The following THTPA variants were observed in gnomAD, a reference collection of about 807,000 sequenced individuals.
The protein encoded by THTPA is thiamine triphosphatase.
A neutral mutation model predicts 16.5 loss-of-function variants in THTPA; 16 were observed. The observed-to-expected ratio is 0.97, with a 90% CI of 0.66 to 1.47. The LOEUF is 1.47. Ranked by LOEUF, THTPA falls within the 40% of genes most tolerant of loss-of-function variation. The pLI, the probability that THTPA is intolerant of heterozygous loss-of-function variation, is 0.00. For synonymous variants in THTPA, 110 were observed against 115.5 expected (o/e 0.95, Z 0.30); for missense variants, 281 against 280.9 (o/e 1.00, Z 0.00).
chr14:23,555,028 C>T (rs942471853), upstream of THTPA, among the ~76,000 whole-genome samples: 2 of 152,172 alleles, frequency 1.3e-5, no homozygotes, highest in African/African-American at 4.8e-5. Flanking sequence ...CGTTCTGTCG[C>T]CCAGGCTGGA....
chr14:23,557,443 C>G, intron 1 of THTPA, 139 bp downstream of exon 1: 1 of 958,606 alleles, frequency 1.0e-6, no homozygotes, highest in Middle Eastern at 3.4e-4. Context: ...GCCGTGTTGC[C>G]CAGGCTGGTC....
At position 23,556,446 on chromosome 14, in the gene THTPA, G is replaced by T; in HGVS notation, c.-312G>T. The T allele has an allele frequency of 2.9e-6, 1 of 339,198 alleles. No homozygotes were observed. The allele number at this position is 339,198 out of a possible 1,614,324, so 21.0% of individuals were successfully genotyped here. A position where few individuals can be genotyped will look rare whatever the true frequency, so the allele number is the denominator to read the frequency against. On this transcript the variant is annotated 5_prime_UTR_variant, in exon 1 of 2. Coordinates refer to ENST00000288014, the MANE Select transcript of THTPA (RefSeq NM_024328.6). ...TGGGGTGGCAAGGTGTAGAGAGGGG[G>T]GCGTTGAAAGGACACCCGCTACCCG...
the THTPA span, chr14:23,534,997 A>C: frequency 6.5e-7 from 1 of 1,536,166 alleles, no homozygotes; most frequent in Non-Finnish European, 8.7e-7. This position sits in a 1 kb window ranked among gnomAD's most constrained non-coding sequence, Gnocchi z 4.5. Flanking sequence ...GTGGTTGCTT[A>C]GGTCCATGGG....
At chr14:23,516,081 T>C in the THTPA span, among the ~76,000 whole-genome samples, 1 of 152,060 alleles carries the variant, frequency 6.6e-6, no homozygotes, top group Non-Finnish European at 1.5e-5. Context: ...TGGGGGCAGG[T>C]CACAGATATG....
the THTPA span, among the ~76,000 whole-genome samples, chr14:23,549,312 A>T: frequency 6.6e-6 from 1 of 151,942 alleles, no homozygotes; most frequent in South Asian, 2.1e-4. Flanking sequence ...TATTGCACCG[A>T]CCACCCCTTT....
the THTPA span, chr14:23,531,802 G>A: frequency 7.9e-7 from 1 of 1,267,334 alleles, no homozygotes; most frequent in South Asian, 3.1e-5. Flanking sequence ...TTTCTAGAGA[G>A]AGTCTTGCCC....
upstream of THTPA, among the ~76,000 whole-genome samples, chr14:23,552,362 C>T (rs893883346): frequency 2.3e-4 from 35 of 150,202 alleles, no homozygotes; most frequent in Admixed American, 1.4e-3. Context: ...GGTGCGATCT[C>T]GGCTCACTGC....
the THTPA span, among the ~76,000 whole-genome samples, chr14:23,519,199 C>G: frequency 6.6e-6 from 1 of 152,056 alleles, no homozygotes; most frequent in Non-Finnish European, 1.5e-5. Context: ...GGTGAAAACA[C>G]TCATAGTTCA....
chr14:23,525,543 T>C, the THTPA span: 1 of 1,533,968 alleles, frequency 6.5e-7, no homozygotes, highest in Non-Finnish European at 8.7e-7. The surrounding 1 kb of genome is among the most constrained non-coding windows in gnomAD (Gnocchi z 5.9). Context: ...GGGGGTGGGG[T>C]AGGGGGAGGG....
the THTPA span, chr14:23,527,481 C>A: frequency 1.6e-5 from 20 of 1,274,708 alleles, no homozygotes; most frequent in Middle Eastern, 1.3e-3. Flanking sequence ...CCAACACACG[C>A]ACTTGCCTGA....
chr14:23,558,556 C>T (rs1311886200), intron 1 of THTPA, 139 bp from the exon 2 acceptor site: 48 of 1,124,516 alleles, frequency 4.3e-5, no homozygotes, highest in Non-Finnish European at 5.8e-5. Context: ...TAGTGTGTTA[C>T]AGAAGCTGGG....
the THTPA span, among the ~76,000 whole-genome samples, chr14:23,520,396 G>GA: frequency 1.5e-4 from 9 of 59,236 alleles, no homozygotes; most frequent in South Asian, 6.5e-4. The surrounding 1 kb of genome is among the most constrained non-coding windows in gnomAD (Gnocchi z 8.7). Context: ...TGGGCCTCCA[G>GA]GGGGGCAGCA....
the THTPA span, chr14:23,542,971 T>C: frequency 6.6e-6 from 1 of 152,120 alleles, no homozygotes; most frequent in Non-Finnish European, 1.5e-5. Flanking sequence ...CCTGACTACC[T>C]GACCCGCCCA....
the THTPA span, among the ~76,000 whole-genome samples, chr14:23,517,736 TG>T: frequency 6.6e-6 from 1 of 151,746 alleles, no homozygotes; most frequent in African/African-American, 2.4e-5. Context: ...AGGAGGGGAG[TG>T]GACCCCTCAA....
At chr14:23,527,018 G>A in the THTPA span, 3 of 1,461,774 alleles carry the variant, frequency 2.1e-6, no homozygotes, top group African/African-American at 2.8e-5. Context: ...ACCCCCCACT[G>A]CCCCTATGCC....
the THTPA span, chr14:23,529,535 C>G: frequency 1.5e-6 from 1 of 651,038 alleles, no homozygotes; most frequent in South Asian, 1.9e-5. Flanking sequence ...TGGGCCAGCT[C>G]TGCCCCCGAA....
rs999348889 is a variant in THTPA at position 23,560,162 on chromosome 14, C to G, written c.*1322C>G. 6 of 1,511,500 alleles carry G rather than the reference C, an allele frequency of 4.0e-6. No homozygotes were observed. In the African/African-American group the frequency reaches 8.3e-5, roughly 21 times the overall value. 93.6% of individuals were successfully genotyped at this position (1,511,500 alleles called of 1,614,324 possible). A position where few individuals can be genotyped will look rare whatever the true frequency, so the allele number is the denominator to read the frequency against. On this transcript the variant is annotated 3_prime_UTR_variant, in exon 2 of 2. Coordinates refer to ENST00000288014, the MANE Select transcript of THTPA (RefSeq NM_024328.6). ...AGTGCTGATCTCCAGATGACTCAAT[C>G]CCATCTCACACTGTCTCCCACCCAC...
the THTPA span, chr14:23,534,861 C>G: frequency 1.3e-6 from 2 of 1,536,110 alleles, no homozygotes; most frequent in Non-Finnish European, 1.7e-6. The surrounding 1 kb of genome is among the most constrained non-coding windows in gnomAD (Gnocchi z 4.5). Flanking sequence ...CAAGGAAGGG[C>G]AGACTGGGCT....
In THTPA at chr14:23,557,248, A is replaced by T. The variant is rs755826161; in HGVS notation, c.491A>T (p.Glu164Val). 1 of 1,611,860 alleles carries T rather than the reference A, an allele frequency of 6.2e-7. No individual in the cohort carries two copies. Among genetic ancestry groups the T allele is most frequent in the African/African-American group, 1.3e-5 (1 of 74,908 alleles). Residue 164 changes from glutamate (E) to valine (V), a missense_variant, in exon 1 of 2, where the codon GAG (glutamate) becomes GTG (valine). Transcript: ENST00000288014. ...AVGEVEALVH[E>V]EAEVPTALEK... is the part of the protein sequence containing the mutation. Reference sequence around the variant, plus strand: ...GGTGAGGTAGAGGCCCTGGTGCATGAGGAGGCTGAAGTACCAACTGCCCTA... The same window carrying T: ...GGTGAGGTAGAGGCCCTGGTGCATGTGGAGGCTGAAGTACCAACTGCCCTA...
Sources: gnomAD v4.1 joint callset for allele counts (sites outside exome capture counted in the v4.1 genomes callset) on GRCh38, gnomAD v4.1.1 for gene constraint, Gnocchi (gnomAD v3.1) non-coding constraint, MANE v1.5 for transcripts, NCBI Gene and HGNC (gene_info 2026-07-23, HGNC 2026-07-21) for gene names.